The following TMEM196 variants were observed in gnomAD, a reference collection of about 807,000 sequenced individuals.
TMEM196 encodes transmembrane protein 196.
A neutral mutation model predicts 20.0 loss-of-function variants in TMEM196; 17 were observed. The observed-to-expected ratio is 0.85, with a 90% CI of 0.58 to 1.27. The LOEUF is 1.27. TMEM196 is among the 50% of genes most tolerant of loss of function. The pLI is 0.00. For missense variants in TMEM196, 267 were observed against 223.0 expected, an observed-to-expected ratio of 1.20 and a Z score of -1.26; for synonymous variants, 113 against 88.9, an observed-to-expected ratio of 1.27 and a Z score of -1.52.
At chr7:19,772,307 A>G in intron 1 of TMEM196, among the ~76,000 whole-genome samples, 1 of 146,666 alleles carries the variant, frequency 6.8e-6, no homozygotes, top group African/African-American at 2.5e-5. Context: ...CCTTTAAACA[A>G]AGCCATTTAA....
chr7:19,768,004 A>G (rs563255063), intron 1 of TMEM196, among the ~76,000 whole-genome samples: 18 of 152,242 alleles, frequency 1.2e-4, no homozygotes, highest in Admixed American at 8.5e-4. Flanking sequence ...ACAAAATCCT[A>G]CAATTGGCTG....
chr7:19,732,590 A>AC (rs546845889), intron 1 of TMEM196, among the ~76,000 whole-genome samples: 2 of 144,958 alleles, frequency 1.4e-5, no homozygotes, highest in Admixed American at 6.8e-5. Context: ...AAAAACAAAA[A>AC]AAAAAAAAAC....
intron 3 of TMEM196, among the ~76,000 whole-genome samples, chr7:19,725,152 A>G (rs756303541): frequency 2.6e-5 from 4 of 152,244 alleles, no homozygotes; most frequent in Non-Finnish European, 5.9e-5. Flanking sequence ...GGGAAGAGCT[A>G]GAAAAGGGAA....
At chr7:19,765,162 A>G (rs1434355319) in intron 1 of TMEM196, among the ~76,000 whole-genome samples, 1 of 152,224 alleles carries the variant, frequency 6.6e-6, no homozygotes, top group East Asian at 1.9e-4. Flanking sequence ...TTAGTTAACT[A>G]TTAATAAATC....
intron 1 of TMEM196, among the ~76,000 whole-genome samples, chr7:19,761,648 A>G (rs1785440648): frequency 6.6e-6 from 1 of 152,236 alleles, no homozygotes; most frequent in African/African-American, 2.4e-5. Context: ...AGATGGAAAG[A>G]ATAGTTTCAT....
chr7:19,742,837 T>C (rs1172607983), intron 1 of TMEM196, among the ~76,000 whole-genome samples: 1 of 152,172 alleles, frequency 6.6e-6, no homozygotes, highest in Non-Finnish European at 1.5e-5. Context: ...GGAGCAGCAA[T>C]TGATGTCTCA....
At chr7:19,745,922 A>G (rs1023431410) in intron 1 of TMEM196, among the ~76,000 whole-genome samples, 2 of 152,094 alleles carry the variant, frequency 1.3e-5, no homozygotes, top group South Asian at 2.1e-4. Flanking sequence ...TAAAAAATCA[A>G]ATAACTCAGA....
intron 1 of TMEM196, among the ~76,000 whole-genome samples, chr7:19,749,952 C>G (rs561800717): frequency 7.9e-5 from 12 of 152,276 alleles, no homozygotes; most frequent in African/African-American, 2.9e-4. Context: ...TCAATGTCTT[C>G]CATTAACAAA....
intron 1 of TMEM196, among the ~76,000 whole-genome samples, chr7:19,733,057 C>T (rs1004702400): frequency 3.3e-5 from 5 of 151,780 alleles, no homozygotes; most frequent in South Asian, 4.1e-4. Flanking sequence ...TTGCGTTGAT[C>T]TTACTGTGAA....
chr7:19,761,242 T>C (rs1401646157), intron 1 of TMEM196, among the ~76,000 whole-genome samples: 1 of 152,234 alleles, frequency 6.6e-6, no homozygotes, highest in East Asian at 1.9e-4. Flanking sequence ...CCTATTTATA[T>C]TTCTTTCTTT....
In TMEM196 at chr7:19,772,860, G is replaced by C. The variant is rs1785947556; in HGVS notation, c.-164C>G. The C allele has an allele frequency of 3.2e-6, 2 of 623,092 alleles. No homozygotes were observed. The highest frequency in any genetic ancestry group is 1.1e-4 in the South Asian group (2 of 17,984). 38.6% of individuals were successfully genotyped at this position (623,092 alleles called of 1,614,324 possible). ...CAAGGGCTGGATTTCCAGAAACGAA[G>C]ACCTTCCCTGGCTGGGCCAGAGGCA... On this transcript the variant is annotated 5_prime_UTR_variant, in exon 1 of 5. Coordinates refer to ENST00000405844, the MANE Select transcript of TMEM196 (RefSeq NM_001363562.2).
At position 19,772,557 on chromosome 7, in the gene TMEM196, G is replaced by A. The variant is rs1395142216; in HGVS notation, c.140C>T (p.Ser47Leu). ...ACACACCCCGCTCCATACCGGGGACGAGTCTCCGAGCTGCGGCTTGTGCTC... is the reference window on the plus strand; with the variant it reads ...ACACACCCCGCTCCATACCGGGGACAAGTCTCCGAGCTGCGGCTTGTGCTC... Reference protein sequence around the residue: ...LREHKPQLGDSSPFLLCGICG... With the variant: ...LREHKPQLGDLSPFLLCGICG... The change falls in exon 1 of 5, where the codon TCG (serine) becomes TTG (leucine). Residue 47 changes from serine (S) to leucine (L), a missense_variant. Ser to Leu is a moderately radical substitution (Grantham distance 145). Transcript: ENST00000405844. 6.5e-7 allele frequency: 1 copy of A among 1,543,318 alleles called. No individual in the cohort carries two copies. The highest frequency in any genetic ancestry group is 1.2e-5 in the South Asian group (1 of 83,022).
chr7:19,743,372 C>G (rs2128024954), intron 1 of TMEM196, among the ~76,000 whole-genome samples: 1 of 152,206 alleles, frequency 6.6e-6, no homozygotes, highest in South Asian at 2.1e-4. Context: ...TTCAGAGATT[C>G]TAGAGCAGTT....
In TMEM196 at chr7:19,721,857, C is replaced by T; in HGVS notation, c.*271G>A. 2.1e-6 allele frequency: 1 copy of T among 468,466 alleles called. No individual in the cohort carries two copies. Among genetic ancestry groups the T allele is most frequent in the Non-Finnish European group, 3.7e-6 (1 of 268,182 alleles). 29.0% of individuals were successfully genotyped at this position (468,466 alleles called of 1,614,324 possible). A position where few individuals can be genotyped will look rare whatever the true frequency, so the allele number is the denominator to read the frequency against. ...TCTTCTTTAGAACAATCTGGAAAGCCTCTTGAAATTATTGTACTAGAATGT... is the reference window on the plus strand; with the variant it reads ...TCTTCTTTAGAACAATCTGGAAAGCTTCTTGAAATTATTGTACTAGAATGT... On this transcript the variant is annotated 3_prime_UTR_variant, in exon 5 of 5. Coordinates refer to ENST00000405844, the MANE Select transcript of TMEM196 (RefSeq NM_001363562.2).
intron 1 of TMEM196, among the ~76,000 whole-genome samples, chr7:19,735,397 C>T (rs149487984): frequency 6.6e-6 from 1 of 152,146 alleles, no homozygotes; most frequent in East Asian, 1.9e-4. Flanking sequence ...GTTAGAATTT[C>T]TCTAAAATGA....
rs1227840193 is a variant in TMEM196, at chr7:19,772,597, T to G, written c.100A>C (p.Ser34Arg). The change falls in exon 1 of 5, where the codon AGC becomes CGC. Residue 34 changes from serine to arginine, a missense_variant. Physicochemically the swap from Ser to Arg is moderately radical, Grantham distance 110. Coordinates refer to ENST00000405844, the MANE Select transcript of TMEM196 (RefSeq NM_001363562.2). ...GGCTTGTGCTCTCGGAGGGCCAGGCTGAAGCTGACCGCCCCCACGGCCACG... is the reference window on the plus strand; with the variant it reads ...GGCTTGTGCTCTCGGAGGGCCAGGCGGAAGCTGACCGCCCCCACGGCCACG... Reference protein sequence around the residue: ...SSVAVGAVSFSLALREHKPQL... With the variant: ...SSVAVGAVSFRLALREHKPQL... 1 of 1,547,272 alleles carries G rather than the reference T, an allele frequency of 6.5e-7. No homozygotes were observed. Among genetic ancestry groups the G allele is most frequent in the Admixed American group, 2.0e-5 (1 of 50,630 alleles).
intron 1 of TMEM196, 107 bp from the exon 2 acceptor site, chr7:19,729,545 T>A: frequency 1.9e-6 from 2 of 1,034,726 alleles, no homozygotes; most frequent in Non-Finnish European, 2.8e-6. Flanking sequence ...GATAGAACAT[T>A]TTAAATTTCC....
chr7:19,726,124 G>A (rs1439266830), intron 2 of TMEM196, among the ~76,000 whole-genome samples: 3 of 152,136 alleles, frequency 2.0e-5, no homozygotes, highest in African/African-American at 4.8e-5. Context: ...TACCATGCTA[G>A]GAACTTTAAC....
chr7:19,754,984 G>C (rs1489534908), intron 1 of TMEM196, among the ~76,000 whole-genome samples: 5 of 152,120 alleles, frequency 3.3e-5, no homozygotes, highest in Non-Finnish European at 1.5e-5. Context: ...TAAGAATAAG[G>C]AGACTAATGG....
Sources: allele counts gnomAD v4.1 joint callset (sites outside exome capture counted in the v4.1 genomes callset), GRCh38; gene constraint gnomAD v4.1.1; transcripts MANE v1.5; gene names NCBI Gene and HGNC (gene_info 2026-07-23, HGNC 2026-07-21).